The following BICD1 variants were observed in gnomAD, a reference collection of about 807,000 sequenced individuals.
The protein encoded by BICD1 is BICD cargo adaptor 1.
Under a neutral mutation model 92.5 loss-of-function variants are expected in BICD1, and 35 were observed. The observed-to-expected ratio is 0.38, with a 90% CI of 0.29 to 0.50. BICD1 has a LOEUF of 0.50. Among genes scored for constraint, BICD1 ranks in the 20% least tolerant of loss-of-function variants. The pLI is 0.93. For missense variants in BICD1, 950 were observed against 1,189.8 expected (o/e 0.80, Z 2.97); for synonymous variants, 429 against 465.1 (o/e 0.92, Z 1.00).
intron 1 of BICD1, among the ~76,000 whole-genome samples, chr12:32,206,801 A>G (rs896381723): frequency 3.9e-5 from 6 of 152,208 alleles, no homozygotes; most frequent in Admixed American, 3.3e-4. Flanking sequence ...ACTTTATAAC[A>G]ATGAAAACTA....
intron 1 of BICD1, among the ~76,000 whole-genome samples, chr12:32,121,380 G>T (rs1942143479): frequency 6.6e-6 from 1 of 151,412 alleles, no homozygotes; most frequent in African/African-American, 2.4e-5. Flanking sequence ...ATCACTTGAG[G>T]TCAGGAGTTC....
chr12:32,162,366 A>G (rs1943623956), intron 1 of BICD1, among the ~76,000 whole-genome samples: 2 of 152,226 alleles, frequency 1.3e-5, no homozygotes, highest in African/African-American at 2.4e-5. Flanking sequence ...AGAATGTAAT[A>G]TAGGCGAAGA....
intron 3 of BICD1, among the ~76,000 whole-genome samples, chr12:32,295,486 AAAC>A (rs1947842526): frequency 6.6e-6 from 1 of 152,064 alleles, no homozygotes; most frequent in Non-Finnish European, 1.5e-5. Flanking sequence ...TGTCCTCTGT[AAAC>A]TTAGAAGCCA....
intron 9 of BICD1, among the ~76,000 whole-genome samples, chr12:32,368,581 C>T (rs1939616135): frequency 6.6e-6 from 1 of 151,212 alleles, no homozygotes; most frequent in Non-Finnish European, 1.5e-5. Context: ...TCTAATCCCA[C>T]CTACTCAGGA....
chr12:32,257,131 T>G (rs948432053), intron 2 of BICD1, among the ~76,000 whole-genome samples: 2 of 140,966 alleles, frequency 1.4e-5, no homozygotes, highest in Admixed American at 7.7e-5. Flanking sequence ...AAGAATTGCC[T>G]GAACCGGGGA....
chr12:32,354,608 A>G (rs1039990060), intron 8 of BICD1, among the ~76,000 whole-genome samples: 3 of 152,218 alleles, frequency 2.0e-5, no homozygotes, highest in Non-Finnish European at 4.4e-5. Context: ...AAATTACACT[A>G]TCATCTGTGG....
chr12:32,107,678 G>T, intron 1 of BICD1, 134 bp downstream of exon 1: 3 of 990,764 alleles, frequency 3.0e-6, no homozygotes, highest in Non-Finnish European at 4.6e-6. Context: ...TTGTTGGTAA[G>T]AGAAGATTGA....
chr12:32,323,673 TA>T (rs1281731225), intron 4 of BICD1, among the ~76,000 whole-genome samples: 1 of 152,206 alleles, frequency 6.6e-6, no homozygotes, highest in African/African-American at 2.4e-5. Flanking sequence ...AGCTACAACT[TA>T]AAAGCCTCTA....
chr12:32,339,614 G>C, intron 8 of BICD1: 1 of 984,870 alleles, frequency 1.0e-6, no homozygotes, highest in Non-Finnish European at 1.2e-6. Flanking sequence ...CTTTTTACTT[G>C]TTCTATGAAG....
intron 8 of BICD1, among the ~76,000 whole-genome samples, chr12:32,344,970 ATGT>A (rs915543750): frequency 2.4e-4 from 36 of 152,280 alleles, no homozygotes; most frequent in African/African-American, 8.7e-4. Context: ...ATGTCAGAAC[ATGT>A]TGTCTTTAGT....
chr12:32,132,371 G>A (rs1308893200), intron 1 of BICD1, among the ~76,000 whole-genome samples: 2 of 149,696 alleles, frequency 1.3e-5, no homozygotes, highest in East Asian at 2.0e-4. Flanking sequence ...AACCGAGATT[G>A]TGCCACTGCA....
intron 2 of BICD1, among the ~76,000 whole-genome samples, chr12:32,232,661 C>T (rs1289075513): frequency 6.6e-6 from 1 of 151,998 alleles, no homozygotes; most frequent in Non-Finnish European, 1.5e-5. Context: ...GAAGTCCTTG[C>T]CCATGCCTAT....
chr12:32,292,675 C>A (rs2136191316), intron 2 of BICD1, among the ~76,000 whole-genome samples: 1 of 152,288 alleles, frequency 6.6e-6, no homozygotes, highest in South Asian at 2.1e-4. Context: ...AGGCCAAATG[C>A]ATCATGACTT....
intron 2 of BICD1, among the ~76,000 whole-genome samples, chr12:32,246,391 A>AT (rs1946390577): frequency 6.6e-6 from 1 of 151,902 alleles, no homozygotes; most frequent in African/African-American, 2.4e-5. Flanking sequence ...TAATCCCAGC[A>AT]TTTTGGGTGG....
intron 2 of BICD1, among the ~76,000 whole-genome samples, chr12:32,276,121 A>G (rs1190500726): frequency 2.6e-5 from 4 of 152,126 alleles, no homozygotes; most frequent in Non-Finnish European, 5.9e-5. Flanking sequence ...TAAAACTACA[A>G]ATGGTTCTTC....
At chr12:32,198,344 A>ATATATATATATATATATATATATATATG in intron 1 of BICD1, among the ~76,000 whole-genome samples, 1 of 140,392 alleles carries the variant, frequency 7.1e-6, no homozygotes, top group Non-Finnish European at 1.5e-5. Flanking sequence ...ATATATATAT[A>ATATATATATATATATATATATATATATG]TATATATATT....
chr12:32,216,495 A>G, intron 2 of BICD1, 36 bp downstream of exon 2: 1 of 1,593,376 alleles, frequency 6.3e-7, no homozygotes, highest in Non-Finnish European at 8.6e-7. Context: ...GATTTGTGAG[A>G]GGGAGAAATA....
rs912924819 is a variant in BICD1, at chr12:32,383,437, T to C, written c.*5810T>C. ...ACAATCCTAAGTGAATAATGTCTCA[T>C]GGGAGAACACATGATATGTGCTTGT... is the stretch of plus-strand genomic sequence containing the variant. On this transcript the variant is annotated 3_prime_UTR_variant, in exon 10 of 10. Transcript: ENST00000652176. 6.6e-6 allele frequency: 1 copy of C among 152,162 alleles called. No individual in the cohort carries two copies. The highest frequency in any genetic ancestry group is 2.4e-5 in the African/African-American group (1 of 41,462). The allele number at this position is 152,162 out of a possible 1,614,324, so 9.4% of individuals were successfully genotyped here. A position where few individuals can be genotyped will look rare whatever the true frequency, so the allele number is the denominator to read the frequency against.
At chr12:32,188,542 T>A (rs1299196950) in intron 1 of BICD1, among the ~76,000 whole-genome samples, 1 of 152,132 alleles carries the variant, frequency 6.6e-6, no homozygotes, top group Non-Finnish European at 1.5e-5. Context: ...CCCATAGAGG[T>A]TCCCTGACAT....
Sources: allele counts gnomAD v4.1 joint callset (sites outside exome capture counted in the v4.1 genomes callset), GRCh38; gene constraint gnomAD v4.1.1; transcripts MANE v1.5; gene names NCBI Gene and HGNC (gene_info 2026-07-23, HGNC 2026-07-21).